NDNF: variants seen among roughly 807,000 people sequenced by gnomAD.
The protein encoded by NDNF is neuron derived neurotrophic factor, also known as protein NDNF.
In NDNF, 16 loss-of-function variants were observed where a neutral mutation model predicts 42.0. The ratio of observed to expected loss-of-function variants is 0.38; its 90% confidence interval spans 0.26 to 0.58. The LOEUF is 0.58. NDNF is among the 20% of genes least tolerant of loss of function. NDNF has a pLI of 0.67. For missense variants in NDNF, 616 were observed against 666.2 expected, an observed-to-expected ratio of 0.92 and a Z score of 0.83; for synonymous variants, 248 against 251.7, an observed-to-expected ratio of 0.99 and a Z score of 0.14.
At chr4:121,056,973 C>A (rs936933427) in intron 1 of NDNF, among the ~76,000 whole-genome samples, 1 of 152,158 alleles carries the variant, frequency 6.6e-6, no homozygotes, top group African/African-American at 2.4e-5. Context: ...GTGGGTAATT[C>A]CACAAATACA....
At chr4:121,068,777 A>G (rs537954600) in intron 1 of NDNF, among the ~76,000 whole-genome samples, 24 of 152,304 alleles carry the variant, frequency 1.6e-4, no homozygotes, top group African/African-American at 5.1e-4. Context: ...TGGAGAAACT[A>G]AGGAAAGGAG....
chr4:121,039,076 T>C (rs899571047), intron 3 of NDNF: 2 of 147,806 alleles, frequency 1.4e-5, no homozygotes, highest in Non-Finnish European at 3.0e-5. Context: ...CTAATTGCGA[T>C]GTTTGCCCCT....
intron 1 of NDNF, among the ~76,000 whole-genome samples, chr4:121,048,890 A>T (rs1727141810): frequency 2.0e-5 from 3 of 152,328 alleles, no homozygotes; most frequent in East Asian, 3.9e-4. Flanking sequence ...TGTTGTATAC[A>T]TGCCACATGC....
chr4:121,056,577 A>C (rs997082484), intron 1 of NDNF, among the ~76,000 whole-genome samples: 1 of 152,248 alleles, frequency 6.6e-6, no homozygotes, highest in African/African-American at 2.4e-5. Flanking sequence ...ACAGCAAGAA[A>C]AAAAGATTCT....
Position 121,036,540 on chromosome 4 carries a change from C to T in NDNF, c.1431G>A (p.Lys477=). 1 of 1,614,142 alleles carries T rather than the reference C, an allele frequency of 6.2e-7. No homozygotes were observed. The highest frequency in any genetic ancestry group is 2.2e-5 in the East Asian group (1 of 44,882). ...CCACTTCTTTTTTGTAGATGCAAAA[C>T]TTGTTCCTTTCCTGAGTGCCTAGCC... The part of the protein sequence containing the change: ...VAWLGTQERN[K]FCIYKKEVDD... Residue 477 remains lysine (K), a synonymous_variant, in exon 4 of 4, where the codon AAG becomes AAA. Coordinates refer to ENST00000379692, the MANE Select transcript of NDNF (RefSeq NM_024574.4).
chr4:121,061,969 A>G (rs1258439292), intron 1 of NDNF, among the ~76,000 whole-genome samples: 2 of 152,214 alleles, frequency 1.3e-5, no homozygotes, highest in Non-Finnish European at 2.9e-5. Context: ...GAAATAATTG[A>G]TATGAATGTT....
chr4:121,066,377 T>C (rs1188781171), intron 1 of NDNF, among the ~76,000 whole-genome samples: 1 of 152,056 alleles, frequency 6.6e-6, no homozygotes, highest in Non-Finnish European at 1.5e-5. Context: ...ATTTCTAATA[T>C]ATAAATTATA....
chr4:121,066,916 A>G (rs1727508847), intron 1 of NDNF, among the ~76,000 whole-genome samples: 1 of 152,228 alleles, frequency 6.6e-6, no homozygotes, highest in African/African-American at 2.4e-5. Flanking sequence ...ATTTCCGCTT[A>G]GAGAGAAGAA....
chr4:121,060,672 G>T (rs965667319), intron 1 of NDNF, among the ~76,000 whole-genome samples: 11 of 152,086 alleles, frequency 7.2e-5, no homozygotes, highest in African/African-American at 2.7e-4. Context: ...AGATCAAGAA[G>T]AAACCATTTA....
chr4:121,056,042 G>A (rs1560608144), intron 1 of NDNF, among the ~76,000 whole-genome samples: 1 of 152,126 alleles, frequency 6.6e-6, no homozygotes, highest in African/African-American at 2.4e-5. Context: ...TTACTATTTG[G>A]TATATGTGAC....
At chr4:121,041,466 T>C (rs1382953454) in intron 2 of NDNF, among the ~76,000 whole-genome samples, 2 of 152,180 alleles carry the variant, frequency 1.3e-5, no homozygotes, top group African/African-American at 2.4e-5. Flanking sequence ...TGAACTCTAA[T>C]GTTGGGAGTG....
At chr4:121,063,477 A>G (rs186238027) in intron 1 of NDNF, among the ~76,000 whole-genome samples, 2 of 152,352 alleles carry the variant, frequency 1.3e-5, no homozygotes, top group East Asian at 1.9e-4. Flanking sequence ...ACAGAGTGAG[A>G]GAGGAGAAAT....
chr4:121,054,100 T>A (rs1215711557), intron 1 of NDNF, among the ~76,000 whole-genome samples: 1 of 152,202 alleles, frequency 6.6e-6, no homozygotes, highest in Non-Finnish European at 1.5e-5. Flanking sequence ...AAGTTAACTC[T>A]TCAGTAAGTC....
chr4:121,070,485 G>A (rs955712004), intron 1 of NDNF, among the ~76,000 whole-genome samples: 1 of 152,080 alleles, frequency 6.6e-6, no homozygotes, highest in East Asian at 1.9e-4. Flanking sequence ...CAGGCGCTCA[G>A]GGACCGGGTG....
At chr4:121,037,850 G>C (rs891438173) in intron 3 of NDNF, 193 bp from the exon 4 acceptor site, 4 of 447,536 alleles carry the variant, frequency 8.9e-6, no homozygotes, top group South Asian at 7.1e-5. Flanking sequence ...TATGTGTAAG[G>C]CTTCTCTGAA....
chr4:121,043,848 A>T (rs185986221), intron 2 of NDNF, among the ~76,000 whole-genome samples: 2 of 152,324 alleles, frequency 1.3e-5, no homozygotes, highest in African/African-American at 4.8e-5. Context: ...ACAAAATAAT[A>T]TGAAAAGCCA....
Position 121,036,619 on chromosome 4 carries a change from G to T in NDNF, c.1352C>A (p.Thr451Lys). ...GAGCTTGTCAAAGGCTTTGATTCTT[G>T]TGTCTTCAGGAAGAGAGGGAAATGA... ...KQSFPSLPED[T>K]RIKAFDKLRT... The change falls in exon 4 of 4, where the codon ACA (threonine) becomes AAA (lysine). Residue 451 changes from threonine to lysine, a missense_variant. Thr to Lys is a moderately conservative substitution (Grantham distance 78). Coordinates refer to ENST00000379692, the MANE Select transcript of NDNF (RefSeq NM_024574.4). 1 of 1,614,156 alleles carries T rather than the reference G, an allele frequency of 6.2e-7. No individual in the cohort carries two copies. Among genetic ancestry groups the T allele is most frequent in the East Asian group, 2.2e-5 (1 of 44,880 alleles).
At chr4:121,048,588 C>T (rs1441657084) in intron 1 of NDNF, among the ~76,000 whole-genome samples, 1 of 152,206 alleles carries the variant, frequency 6.6e-6, no homozygotes, top group African/African-American at 2.4e-5. Flanking sequence ...GCCCGTAATC[C>T]CAGCACTTTG....
intron 1 of NDNF, among the ~76,000 whole-genome samples, chr4:121,064,762 G>C (rs1727471516): frequency 6.6e-6 from 1 of 152,016 alleles, no homozygotes; most frequent in East Asian, 1.9e-4. Context: ...GGGTGTGTCT[G>C]AATACACACA....
Sources: allele counts gnomAD v4.1 joint callset (sites outside exome capture counted in the v4.1 genomes callset), GRCh38; gene constraint gnomAD v4.1.1; transcripts MANE v1.5; gene names NCBI Gene and HGNC (gene_info 2026-07-23, HGNC 2026-07-21).